Variants in CTNNA3 observed in about 807,000 individuals in gnomAD.
The protein encoded by CTNNA3 is catenin alpha-3.
In CTNNA3, 76 loss-of-function variants were observed where a neutral mutation model predicts 95.7. The observed-to-expected ratio is 0.79, with a 90% CI of 0.66 to 0.96. CTNNA3 has a LOEUF of 0.96. Among genes scored for constraint, CTNNA3 ranks in the 40% least tolerant of loss-of-function variants. CTNNA3 has a pLI of 0.00. For synonymous variants in CTNNA3, 431 were observed against 374.4 expected (o/e 1.15, Z -1.74); for missense variants, 1,191 against 1,089.8 (o/e 1.09, Z -1.31).
intron 9 of CTNNA3, among the ~76,000 whole-genome samples, chr10:66,751,322 T>G (rs1336942420): frequency 6.6e-6 from 1 of 152,212 alleles, no homozygotes; most frequent in Non-Finnish European, 1.5e-5. Flanking sequence ...GGAAAGCAAT[T>G]GACTTTTGTA....
At chr10:65,977,561 A>T (rs1016258730) in intron 16 of CTNNA3, among the ~76,000 whole-genome samples, 1 of 152,054 alleles carries the variant, frequency 6.6e-6, no homozygotes, top group Non-Finnish European at 1.5e-5. Flanking sequence ...CAGGCAGATG[A>T]CCTGAGGTCA....
intron 9 of CTNNA3, among the ~76,000 whole-genome samples, chr10:66,707,019 G>A (rs1848139907): frequency 6.6e-6 from 1 of 151,956 alleles, no homozygotes; most frequent in African/African-American, 2.4e-5. Context: ...AGAAGATTAT[G>A]AAAGATATCA....
chr10:66,508,685 T>A (rs2131985407), intron 11 of CTNNA3, among the ~76,000 whole-genome samples: 1 of 152,314 alleles, frequency 6.6e-6, no homozygotes, highest in South Asian at 2.1e-4. Context: ...TGTCATCCAG[T>A]TCTATGCATG....
intron 14 of CTNNA3, among the ~76,000 whole-genome samples, chr10:66,087,942 G>A (rs1375064894): frequency 1.3e-5 from 2 of 151,796 alleles, no homozygotes; most frequent in African/African-American, 4.8e-5. Context: ...TCTTACAGTG[G>A]GCTTTAATAA....
rs5785775 is a variant in CTNNA3, at chr10:66,674,020, ATT to A, written c.1282-52238_1282-52237del. Reference sequence around the variant, plus strand: ...CACTATACTAACTCAGCACTTGTTAATTTTTTTTTTGGTCTGAAGCCTCAAGT... The same window carrying A: ...CACTATACTAACTCAGCACTTGTTAATTTTTTTTGGTCTGAAGCCTCAAGT... On this transcript the variant is annotated intron_variant, in intron 9 of 17. Coordinates refer to ENST00000433211, the MANE Select transcript of CTNNA3 (RefSeq NM_013266.4). Among the ~76,000 whole-genome samples the A allele has an allele frequency of 4.7e-3, 711 of 150,714 alleles. 5 individuals are homozygous for A. Among genetic ancestry groups the A allele is most frequent in the African/African-American group, 0.016 (671 of 41,174 alleles).
chr10:67,361,473 C>A (rs530522703), intron 5 of CTNNA3, among the ~76,000 whole-genome samples: 10 of 152,164 alleles, frequency 6.6e-5, no homozygotes, highest in Middle Eastern at 3.4e-3. Context: ...ATTAAACATC[C>A]CAAAACCACA....
At chr10:66,746,052 T>C (rs573818140) in intron 9 of CTNNA3, among the ~76,000 whole-genome samples, 1 of 152,294 alleles carries the variant, frequency 6.6e-6, no homozygotes, top group Non-Finnish European at 1.5e-5. Flanking sequence ...ACTAACTATA[T>C]GCCATCGGCA....
At chr10:65,956,330 A>C (rs1190416169) in intron 17 of CTNNA3, among the ~76,000 whole-genome samples, 1 of 152,042 alleles carries the variant, frequency 6.6e-6, no homozygotes, top group South Asian at 2.1e-4. Context: ...TGATCTTTTC[A>C]AAAAACCAGC....
At chr10:66,658,199 A>C (rs1846133775) in intron 9 of CTNNA3, among the ~76,000 whole-genome samples, 1 of 150,536 alleles carries the variant, frequency 6.6e-6, no homozygotes, top group South Asian at 2.1e-4. Flanking sequence ...ATCACTTGTC[A>C]ATGACTAGAA....
chr10:67,392,587 C>T (rs1269067849), intron 5 of CTNNA3, among the ~76,000 whole-genome samples: 1 of 152,190 alleles, frequency 6.6e-6, no homozygotes, highest in Non-Finnish European at 1.5e-5. Context: ...AATCATGCTG[C>T]TATAAAGACG....
chr10:66,122,644 A>C (rs2082632725), intron 13 of CTNNA3, among the ~76,000 whole-genome samples: 1 of 152,256 alleles, frequency 6.6e-6, no homozygotes. Context: ...AACCATTTTC[A>C]TACTGCTGAT....
chr10:67,216,919 T>G (rs1016980588), intron 6 of CTNNA3, among the ~76,000 whole-genome samples: 9 of 152,316 alleles, frequency 5.9e-5, no homozygotes, highest in Admixed American at 3.9e-4. Context: ...CAGCCACAAA[T>G]ACAGAAGAAA....
At chr10:67,370,012 G>A (rs1238505719) in intron 5 of CTNNA3, among the ~76,000 whole-genome samples, 8 of 152,112 alleles carry the variant, frequency 5.3e-5, no homozygotes, top group African/African-American at 1.7e-4. Context: ...ATGTGTAGGT[G>A]TGTCTACATA....
Position 66,065,484 on chromosome 10 carries a change from G to GT in CTNNA3, c.2159+3823dup, listed in dbSNP as rs529921180. Among the ~76,000 whole-genome samples, 395 of 151,974 alleles carry GT rather than the reference G, an allele frequency of 2.6e-3. 6 individuals are homozygous for GT. Among genetic ancestry groups the GT allele is most frequent in the African/African-American group, 9.1e-3 (379 of 41,462 alleles). On this transcript the variant is annotated intron_variant, in intron 15 of 17. Transcript: ENST00000433211. ...TCTCTTACCTATCTTTTTAAATAAG[G>GT]TTTTTTTCCATTCACCATTTCGTAA...
intron 9 of CTNNA3, among the ~76,000 whole-genome samples, chr10:66,764,210 A>G (rs1353089539): frequency 1.3e-5 from 2 of 152,188 alleles, no homozygotes; most frequent in East Asian, 1.9e-4. Flanking sequence ...CCAATAGTTC[A>G]TAATTCCAAA....
intron 13 of CTNNA3, among the ~76,000 whole-genome samples, chr10:66,157,042 CT>C (rs1324784186): frequency 1.3e-5 from 2 of 151,574 alleles, no homozygotes; most frequent in African/African-American, 2.4e-5. Flanking sequence ...TCCTTATTTC[CT>C]TTTTTAAAAT....
intron 7 of CTNNA3, among the ~76,000 whole-genome samples, chr10:66,868,844 A>G (rs1477844286): frequency 6.6e-6 from 1 of 152,200 alleles, no homozygotes; most frequent in Non-Finnish European, 1.5e-5. Flanking sequence ...TGCACTTGAC[A>G]CTATGAAGCA....
intron 1 of CTNNA3, among the ~76,000 whole-genome samples, chr10:67,732,112 T>C (rs1841278602): frequency 1.3e-5 from 2 of 151,214 alleles, no homozygotes; most frequent in Non-Finnish European, 2.9e-5. Flanking sequence ...AATTGAAAAA[T>C]AATAAGACTT....
chr10:67,088,689 G>T (rs1857445303), intron 7 of CTNNA3, among the ~76,000 whole-genome samples: 1 of 151,862 alleles, frequency 6.6e-6, no homozygotes, highest in Non-Finnish European at 1.5e-5. Flanking sequence ...TTTTAACTTT[G>T]CAGGATTTCA....
Sources: gnomAD v4.1 joint callset for allele counts (sites outside exome capture counted in the v4.1 genomes callset) on GRCh38, gnomAD v4.1.1 for gene constraint, MANE v1.5 for transcripts, NCBI Gene and HGNC (gene_info 2026-07-23, HGNC 2026-07-21) for gene names.